DPP10: variants seen among roughly 807,000 people sequenced by gnomAD.
DPP10 encodes the protein inactive dipeptidyl peptidase 10.
Under a neutral mutation model 120.9 loss-of-function variants are expected in DPP10, and 33 were observed. The ratio of observed to expected loss-of-function variants is 0.27; its 90% CI spans 0.21 to 0.37. DPP10 has a LOEUF of 0.37. DPP10 is among the 10% of genes least tolerant of loss of function. DPP10 has a pLI of 1.00. For synonymous variants in DPP10, 337 were observed against 326.1 expected (o/e 1.03, Z -0.36); for missense variants, 816 against 942.8 (o/e 0.87, Z 1.76).
In DPP10 at chr2:115,467,251, A is replaced by T. The variant is rs182073667; in HGVS notation, c.272-32259A>T. On this transcript the variant is annotated intron_variant, in intron 3 of 25. Coordinates refer to ENST00000410059, the MANE Select transcript of DPP10 (RefSeq NM_020868.6). ...GTGTACACATGCCCAACAACCACAA[A>T]CACATCCACAAATAAAACAAGAGAC... 7.3e-3 allele frequency among the ~76,000 whole-genome samples: 1,111 copies of T among 151,988 alleles called. 6 individuals are homozygous for T. The highest frequency in any genetic ancestry group is 0.025 in the African/African-American group (1,016 of 41,468).
At chr2:114,851,493 C>T (rs1172164912) in intron 1 of DPP10, among the ~76,000 whole-genome samples, 2 of 152,120 alleles carry the variant, frequency 1.3e-5, no homozygotes, top group African/African-American at 2.4e-5. Flanking sequence ...ATTTACTCAA[C>T]AAGATGTTGA....
intron 1 of DPP10, among the ~76,000 whole-genome samples, chr2:115,106,435 C>T (rs2048947038): frequency 6.6e-6 from 1 of 152,132 alleles, no homozygotes; most frequent in Admixed American, 6.5e-5. Context: ...AAGATGTGTT[C>T]TCTCTGTCTC....
chr2:114,533,853 T>C (rs1686259699), intron 1 of DPP10, among the ~76,000 whole-genome samples: 1 of 152,320 alleles, frequency 6.6e-6, no homozygotes, highest in South Asian at 2.1e-4. Context: ...TCCCCTCATT[T>C]GAAGCTTATA....
At chr2:115,217,049 AG>A (rs2056875063) in intron 1 of DPP10, among the ~76,000 whole-genome samples, 1 of 152,138 alleles carries the variant, frequency 6.6e-6, no homozygotes, top group Non-Finnish European at 1.5e-5. Flanking sequence ...CTGTCCGATA[AG>A]TGGGTATTCA....
At chr2:115,521,063 G>A (rs1239776722) in intron 4 of DPP10, among the ~76,000 whole-genome samples, 1 of 152,154 alleles carries the variant, frequency 6.6e-6, no homozygotes, top group Non-Finnish European at 1.5e-5. Context: ...AGGCTTAAAG[G>A]AGAAGAATTA....
intron 1 of DPP10, among the ~76,000 whole-genome samples, chr2:114,517,260 C>G (rs1189273434): frequency 6.6e-6 from 1 of 152,166 alleles, no homozygotes; most frequent in Non-Finnish European, 1.5e-5. Context: ...GTGGCTCATG[C>G]CTGTAATCCC....
At chr2:115,103,182 CTCTT>C (rs1279270371) in intron 1 of DPP10, among the ~76,000 whole-genome samples, 305 of 143,154 alleles carry the variant, frequency 2.1e-3, no homozygotes, top group African/African-American at 7.5e-3. Flanking sequence ...TTCTGATTCT[CTCTT>C]TTTTTTTTTT....
intron 1 of DPP10, among the ~76,000 whole-genome samples, chr2:115,049,071 T>A (rs1021349145): frequency 1.4e-4 from 21 of 152,146 alleles, no homozygotes; most frequent in African/African-American, 4.8e-4. Context: ...AGATGGATGG[T>A]TAAAAGAACA....
chr2:115,059,275 C>T (rs771996666), intron 1 of DPP10, among the ~76,000 whole-genome samples: 3 of 151,306 alleles, frequency 2.0e-5, no homozygotes, highest in East Asian at 1.9e-4. Context: ...TAATAAATCA[C>T]GCAAGTTTTA....
intron 1 of DPP10, among the ~76,000 whole-genome samples, chr2:114,763,305 A>G (rs1229558826): frequency 1.3e-5 from 2 of 152,174 alleles, no homozygotes; most frequent in East Asian, 3.9e-4. Context: ...CTGAGAGTGA[A>G]GAAGAAACCA....
rs143644812 is a variant in DPP10 at position 115,210,232 on chromosome 2, C to G, written c.61-99007C>G. Among the ~76,000 whole-genome samples, 222 of 152,174 alleles carry G rather than the reference C, an allele frequency of 1.5e-3. 2 individuals carry two copies. The highest frequency in any genetic ancestry group is 5.0e-3 in the African/African-American group (209 of 41,512). On this transcript the variant is annotated intron_variant, in intron 1 of 25. Transcript: ENST00000410059. The stretch of plus-strand genomic sequence containing the variant: ...TCCCCATCCTGTGTCCAAGTGTTCT[C>G]ATTGTTCAGTTCTCACCTATGAGTG...
At chr2:115,468,607 G>T in intron 3 of DPP10, 1 of 385,960 alleles carries the variant, frequency 2.6e-6, no homozygotes, top group Admixed American at 3.2e-5. Context: ...CACTTGTGTG[G>T]CACCATCTCC....
chr2:114,759,232 C>T lies in DPP10; in HGVS notation c.60+316394C>T, dbSNP rs1403738728. 4.6e-5 allele frequency among the ~76,000 whole-genome samples: 7 copies of T among 152,254 alleles called. No homozygotes were observed. The South Asian group carries it at 1.2e-3, about 27-fold the overall frequency. On this transcript the variant is annotated intron_variant, in intron 1 of 25. Coordinates refer to ENST00000410059, the MANE Select transcript of DPP10 (RefSeq NM_020868.6). ...ATGCTTTCCATATGAAGCACCAAAA[C>T]ATTTGGATATGAACTATTGTGGTTG...
intron 1 of DPP10, among the ~76,000 whole-genome samples, chr2:115,140,021 C>T (rs938942438): frequency 2.0e-4 from 31 of 151,802 alleles, no homozygotes; most frequent in African/African-American, 6.8e-4. Flanking sequence ...AGGGCATGAA[C>T]GTGAAAAAAA....
chr2:115,461,932 A>G (rs1460382261), intron 3 of DPP10, among the ~76,000 whole-genome samples: 1 of 152,168 alleles, frequency 6.6e-6, no homozygotes, highest in Non-Finnish European at 1.5e-5. Context: ...GGCATAATTT[A>G]ATAAATGCCC....
chr2:114,550,684 G>A (rs1056235950), intron 1 of DPP10, among the ~76,000 whole-genome samples: 2 of 152,196 alleles, frequency 1.3e-5, no homozygotes, highest in African/African-American at 2.4e-5. Flanking sequence ...ACCACACAGT[G>A]TCTTTCATAA....
At chr2:114,569,921 T>C (rs1689495204) in intron 1 of DPP10, among the ~76,000 whole-genome samples, 1 of 152,224 alleles carries the variant, frequency 6.6e-6, no homozygotes, top group Non-Finnish European at 1.5e-5. Context: ...TGTCAATCAA[T>C]GTATCATTTA....
chr2:115,088,685 A>T (rs1235499309), intron 1 of DPP10, among the ~76,000 whole-genome samples: 1 of 126,542 alleles, frequency 7.9e-6, no homozygotes, highest in Admixed American at 1.0e-4. Flanking sequence ...GCCTCAAGCA[A>T]CCCTCCTACC....
chr2:115,094,165 T>C (rs1261177203), intron 1 of DPP10, among the ~76,000 whole-genome samples: 1 of 152,106 alleles, frequency 6.6e-6, no homozygotes, highest in Non-Finnish European at 1.5e-5. Context: ...TATAGTAGGT[T>C]TAATCACTGT....
Sources: allele counts gnomAD v4.1 joint callset (sites outside exome capture counted in the v4.1 genomes callset), GRCh38; gene constraint gnomAD v4.1.1; transcripts MANE v1.5; gene names NCBI Gene and HGNC (gene_info 2026-07-23, HGNC 2026-07-21).